DRC1: variants seen among roughly 807,000 people sequenced by gnomAD.
The protein encoded by DRC1 is dynein regulatory complex subunit 1.
A neutral mutation model predicts 98.7 loss-of-function variants in DRC1; 74 were observed. The observed-to-expected ratio is 0.75, with a 90% confidence interval of 0.62 to 0.91. The LOEUF (loss-of-function observed/expected upper bound fraction) is 0.91. DRC1 is among the 40% of genes least tolerant of loss of function. The pLI is 0.00. For synonymous variants in DRC1, 336 were observed against 334.1 expected (o/e 1.01, Z -0.06); for missense variants, 875 against 886.0 (o/e 0.99, Z 0.16).
intron 1 of DRC1, among the ~76,000 whole-genome samples, chr2:26,405,275 T>C (rs192301108): frequency 6.6e-6 from 1 of 152,322 alleles, no homozygotes; most frequent in East Asian, 1.9e-4. Context: ...GTAAGCCATC[T>C]TTAAAACTCT....
At chr2:26,442,657 C>G (rs1274626312) in intron 8 of DRC1, among the ~76,000 whole-genome samples, 1 of 152,152 alleles carries the variant, frequency 6.6e-6, no homozygotes, top group Non-Finnish European at 1.5e-5. Context: ...ATCCTGAGCT[C>G]ACCTTTCATT....
intron 2 of DRC1, among the ~76,000 whole-genome samples, chr2:26,418,272 C>T (rs1366087624): frequency 6.6e-6 from 1 of 151,604 alleles, no homozygotes; most frequent in Non-Finnish European, 1.5e-5. Flanking sequence ...TGTTATGCAA[C>T]CCCTGGGGCT....
rs533255445 is a variant in DRC1 at position 26,444,368 on chromosome 2, A to G, written c.1163+12A>G. 1.2e-6 allele frequency: 2 copies of G among 1,612,716 alleles called. No individual in the cohort carries two copies. The highest frequency in any genetic ancestry group is 2.7e-5 in the African/African-American group (2 of 74,864). ...CAGAAAGCCATGAGGTATCTTAAGG[A>G]CTTGGTCCTAAGGCACTTGTCCTAG... On this transcript the variant is annotated intron_variant, in intron 9 of 16. Coordinates refer to ENST00000288710, the MANE Select transcript of DRC1 (RefSeq NM_145038.5).
chr2:26,455,140 G>A lies in DRC1; in HGVS notation c.2073G>A (p.Leu691=). 1 of 1,614,040 alleles carries A rather than the reference G, an allele frequency of 6.2e-7. No homozygotes were observed. The highest frequency in any genetic ancestry group is 8.5e-7 in the Non-Finnish European group (1 of 1,180,030). ...ATTTTTCTGTCCAAAGCCTTGTCCT[G>A]ACCCAGAGGGCCAAGCTGCTGCTGG... ...YTALEKYHLV[L]TQRAKLLLEN... The change falls in exon 16 of 17, where the codon CTG becomes CTA. Residue 691 remains leucine (L), a synonymous_variant. Transcript: ENST00000288710.
Position 26,454,655 on chromosome 2 carries a change from G to A in DRC1, c.1928G>A (p.Arg643Gln), listed in dbSNP as rs372262629. ...VMGLKKPRDS[R>Q]APLRVQKNVR... is the part of the protein sequence containing the mutation. ...GTGCTCTTGGCCTTCAGGGACTCGCGGGCCCCGCTGAGGGTACAGAAGAAT... is the reference window on the plus strand; with the variant it reads ...GTGCTCTTGGCCTTCAGGGACTCGCAGGCCCCGCTGAGGGTACAGAAGAAT... Residue 643 changes from arginine to glutamine, a missense_variant, in exon 15 of 17, where the codon CGG becomes CAG. Arg to Gln is a conservative substitution (Grantham distance 43). Coordinates refer to ENST00000288710, the MANE Select transcript of DRC1 (RefSeq NM_145038.5). This position sits in a 1 kb window ranked among gnomAD's most constrained non-coding sequence, Gnocchi z 5.2. 49 of 1,613,924 alleles carry A rather than the reference G, an allele frequency of 3.0e-5. No homozygotes were observed. The highest frequency in any genetic ancestry group is 4.0e-5 in the Non-Finnish European group (47 of 1,180,024).
intron 7 of DRC1, among the ~76,000 whole-genome samples, chr2:26,435,547 A>G (rs369813762): frequency 1.4e-4 from 22 of 152,230 alleles, no homozygotes; most frequent in African/African-American, 5.3e-4. Flanking sequence ...CTCGATAGGT[A>G]GTTTTTTGAT....
intron 13 of DRC1, among the ~76,000 whole-genome samples, chr2:26,451,317 C>T (rs1489189557): frequency 6.6e-6 from 1 of 152,202 alleles, no homozygotes; most frequent in Non-Finnish European, 1.5e-5. Flanking sequence ...TGATCCTTAA[C>T]ACTTTCCCGC....
In DRC1 at chr2:26,428,797, C is replaced by CAA. The variant is rs201736344; in HGVS notation, c.541-820_541-819dup. ...TGGGCAACAGAGCAAGACTCTGTCT[C>CAA]AAAAAAAAAAAATACCGTATTATAA... On this transcript the variant is annotated intron_variant, in intron 4 of 16. Coordinates refer to ENST00000288710, the MANE Select transcript of DRC1 (RefSeq NM_145038.5). Among the ~76,000 whole-genome samples the CAA allele has an allele frequency of 2.1e-5, 3 of 141,746 alleles. No individual in the cohort carries two copies. The South Asian group carries it at 6.8e-4, about 32-fold the overall frequency. The allele number at this position is 141,746 out of a possible 152,430, so 93.0% of individuals were successfully genotyped here. A position where few individuals can be genotyped will look rare whatever the true frequency, so the allele number is the denominator to read the frequency against.
Position 26,452,108 on chromosome 2 carries a change from C to T in DRC1, c.1690-1212C>T, listed in dbSNP as rs537854209. Among the ~76,000 whole-genome samples, 48 of 149,902 alleles carry T rather than the reference C, an allele frequency of 3.2e-4. No homozygotes were observed. The South Asian group carries it at 9.9e-3, about 31-fold the overall frequency. Reference sequence around the variant, plus strand: ...TATGTTGGCGCAAAAAAAAAAAAAGCTTGATAACACAGCAAGTATAACATA... The same window carrying T: ...TATGTTGGCGCAAAAAAAAAAAAAGTTTGATAACACAGCAAGTATAACATA... On this transcript the variant is annotated intron_variant, in intron 13 of 16. Transcript: ENST00000288710.
chr2:26,407,304 A>G (rs763715208), intron 1 of DRC1, among the ~76,000 whole-genome samples: 2 of 152,164 alleles, frequency 1.3e-5, no homozygotes, highest in Non-Finnish European at 2.9e-5. Context: ...CACAAGATAG[A>G]TGGTAAATGG....
intron 1 of DRC1, among the ~76,000 whole-genome samples, chr2:26,411,651 G>A (rs1254775984): frequency 6.6e-6 from 1 of 152,156 alleles, no homozygotes; most frequent in African/African-American, 2.4e-5. Context: ...ACAAAAGTTA[G>A]CTGGGTGTGG....
chr2:26,408,909 T>TA (rs942828104), intron 1 of DRC1, among the ~76,000 whole-genome samples: 6 of 152,100 alleles, frequency 3.9e-5, no homozygotes, highest in Non-Finnish European at 8.8e-5. Context: ...CCGTCAGCTT[T>TA]AAAAAAAATT....
intron 5 of DRC1, chr2:26,430,441 C>T (rs117141173): frequency 0.011 from 5,307 of 464,818 alleles, 209 homozygotes; most frequent in South Asian, 0.066. Flanking sequence ...TGGCAACGAA[C>T]GCATCAGTGG....
At chr2:26,438,328 T>A (rs1380988228) in intron 7 of DRC1, among the ~76,000 whole-genome samples, 1 of 152,206 alleles carries the variant, frequency 6.6e-6, no homozygotes, top group Non-Finnish European at 1.5e-5. Flanking sequence ...GTCTTCTTTT[T>A]CATTTGCTGT....
chr2:26,451,989 C>T (rs1448671618), intron 13 of DRC1, among the ~76,000 whole-genome samples: 1 of 151,902 alleles, frequency 6.6e-6, no homozygotes, highest in Admixed American at 6.5e-5. Context: ...AGAGGCAATA[C>T]AGGTAACTCT....
Position 26,454,599 on chromosome 2 carries a change from T to A in DRC1, c.1920-48T>A. 6.2e-7 allele frequency: 1 copy of A among 1,605,414 alleles called. No homozygotes were observed. The highest frequency in any genetic ancestry group is 8.5e-7 in the Non-Finnish European group (1 of 1,174,684). ...CTGTGACTGGCACTGCCTGGGGGCC[T>A]GGGTAGTACCCAATGGACATGACAA... On this transcript the variant is annotated intron_variant, in intron 14 of 16. Transcript: ENST00000288710. This position sits in a 1 kb window ranked among gnomAD's most constrained non-coding sequence, Gnocchi z 5.2.
chr2:26,406,189 G>T (rs956988777), intron 1 of DRC1, among the ~76,000 whole-genome samples: 2 of 152,184 alleles, frequency 1.3e-5, no homozygotes, highest in Non-Finnish European at 2.9e-5. Context: ...CAATGGATCA[G>T]AACTTAGATT....
chr2:26,446,222 G>A (rs994739740), intron 10 of DRC1, among the ~76,000 whole-genome samples: 3 of 149,982 alleles, frequency 2.0e-5, no homozygotes, highest in Non-Finnish European at 1.5e-5. Flanking sequence ...TCTGCCTCCC[G>A]AGTAGCTGGG....
rs1016897921 is a variant in DRC1 at position 26,414,337 on chromosome 2, A to C, written c.156-7A>C. The stretch of plus-strand genomic sequence containing the variant: ...AACTTCATTTTCTCTGCTTTTTTCC[A>C]TCACAGGGAAGCACTTGGAGAATAT... On this transcript the variant is annotated splice_polypyrimidine_tract_variant and splice_region_variant and intron_variant, in intron 1 of 16. Transcript: ENST00000288710. 1.4e-5 allele frequency: 23 copies of C among 1,612,828 alleles called. No individual in the cohort carries two copies. The highest frequency in any genetic ancestry group is 1.9e-5 in the Non-Finnish European group (23 of 1,179,618).
Sources: allele counts gnomAD v4.1 joint callset (sites outside exome capture counted in the v4.1 genomes callset), GRCh38; gene constraint gnomAD v4.1.1; non-coding constraint Gnocchi (gnomAD v3.1); transcripts MANE v1.5; gene names NCBI Gene and HGNC (gene_info 2026-07-23, HGNC 2026-07-21).